Variants in ADAM23 observed in about 807,000 individuals in gnomAD.
ADAM23 encodes ADAM metallopeptidase domain 23.
Under a neutral mutation model 120.1 loss-of-function variants are expected in ADAM23, and 33 were observed. The ratio of observed to expected loss-of-function variants is 0.27; its 90% CI spans 0.21 to 0.37. ADAM23 has a LOEUF of 0.37. ADAM23 is among the 10% of genes least tolerant of loss of function. The pLI is 1.00. For missense variants in ADAM23, 862 were observed against 1,058.2 expected (o/e 0.81, Z 2.57); for synonymous variants, 367 against 375.2 (o/e 0.98, Z 0.25).
chr2:206,587,382 T>C lies in ADAM23; in HGVS notation c.1788+7T>C. 2 of 1,595,666 alleles carry C rather than the reference T, an allele frequency of 1.3e-6. No individual in the cohort carries two copies. Among genetic ancestry groups the C allele is most frequent in the Non-Finnish European group, 1.7e-6 (2 of 1,171,340 alleles). ...TGCATGCAATCAAAATCAGGTATGC[T>C]GGGCTATAAATTTTAAGTGTAATTT... On this transcript the variant is annotated splice_region_variant and intron_variant, in intron 19 of 25. Coordinates refer to ENST00000264377, the MANE Select transcript of ADAM23 (RefSeq NM_003812.4).
chr2:206,573,337 G>T, intron 18 of ADAM23, 142 bp downstream of exon 18: 1 of 774,306 alleles, frequency 1.3e-6, no homozygotes. Context: ...GAGATATCTT[G>T]GGGATGGGAC....
At chr2:206,487,183 C>T (rs1176034152) in intron 3 of ADAM23, among the ~76,000 whole-genome samples, 1 of 152,186 alleles carries the variant, frequency 6.6e-6, no homozygotes, top group African/African-American at 2.4e-5. Context: ...CTCCGTGAGG[C>T]AGTCACTGCG....
In ADAM23 at chr2:206,618,265, A is replaced by G. The variant is rs1251064839; in HGVS notation, c.*638A>G. The G allele has an allele frequency of 7.5e-6, 1 of 133,748 alleles. No homozygotes were observed. Among genetic ancestry groups the G allele is most frequent in the African/African-American group, 2.9e-5 (1 of 34,852 alleles). The allele number at this position is 133,748 out of a possible 1,614,324, so 8.3% of individuals were successfully genotyped here. A position where few individuals can be genotyped will look rare whatever the true frequency, so the allele number is the denominator to read the frequency against. ...CCCCACTTCTTACCCCCCACCTCCCACCCTCTATAATCCCCACTCCCCATT... is the reference window on the plus strand; with the variant it reads ...CCCCACTTCTTACCCCCCACCTCCCGCCCTCTATAATCCCCACTCCCCATT... On this transcript the variant is annotated 3_prime_UTR_variant, in exon 26 of 26. Transcript: ENST00000264377.
At chr2:206,505,206 T>C (rs1696471812) in intron 3 of ADAM23, among the ~76,000 whole-genome samples, 1 of 152,210 alleles carries the variant, frequency 6.6e-6, no homozygotes, top group Non-Finnish European at 1.5e-5. Context: ...AGCAAAAGGA[T>C]AAAAATTTTA....
chr2:206,587,615 G>A (rs2105845336), intron 19 of ADAM23, among the ~76,000 whole-genome samples: 3 of 152,200 alleles, frequency 2.0e-5, no homozygotes, highest in African/African-American at 7.2e-5. Flanking sequence ...GAAGAACTGG[G>A]AGTCTCATTT....
At chr2:206,490,824 C>G (rs1000062555) in intron 3 of ADAM23, among the ~76,000 whole-genome samples, 5 of 152,074 alleles carry the variant, frequency 3.3e-5, no homozygotes, top group African/African-American at 9.7e-5. Context: ...TCTGAGTCAA[C>G]CCATATTGAA....
intron 4 of ADAM23, among the ~76,000 whole-genome samples, chr2:206,538,026 A>G (rs1297189186): frequency 1.3e-5 from 2 of 152,218 alleles, no homozygotes; most frequent in Non-Finnish European, 2.9e-5. Context: ...GGGTTAAAAA[A>G]TGCCCCAAGA....
At chr2:206,535,908 CTCT>C (rs1443998849) in intron 4 of ADAM23, among the ~76,000 whole-genome samples, 11 of 152,134 alleles carry the variant, frequency 7.2e-5, no homozygotes, top group Admixed American at 7.2e-4. Context: ...AGTTATACAA[CTCT>C]GTGAATATGC....
intron 2 of ADAM23, among the ~76,000 whole-genome samples, chr2:206,446,945 A>G (rs1206361028): frequency 7.2e-5 from 11 of 152,212 alleles, no homozygotes; most frequent in African/African-American, 2.4e-5. Context: ...TTCCTTATGA[A>G]TGAGACCTTT....
intron 18 of ADAM23, among the ~76,000 whole-genome samples, chr2:206,586,078 G>A (rs1574550112): frequency 6.6e-6 from 1 of 152,194 alleles, no homozygotes; most frequent in Non-Finnish European, 1.5e-5. Context: ...AAGGCTGTGG[G>A]TGGCAGCATG....
chr2:206,555,346 C>A (rs892859515), intron 9 of ADAM23, among the ~76,000 whole-genome samples: 15 of 152,162 alleles, frequency 9.9e-5, no homozygotes, highest in African/African-American at 3.1e-4. Context: ...TCTTTTAATT[C>A]TTCTCTTTCC....
intron 2 of ADAM23, among the ~76,000 whole-genome samples, chr2:206,478,885 G>C (rs1695837727): frequency 2.0e-5 from 3 of 152,084 alleles, no homozygotes; most frequent in Admixed American, 2.0e-4. Context: ...TGTTCAAATA[G>C]CACCTTGTCA....
intron 18 of ADAM23, among the ~76,000 whole-genome samples, chr2:206,580,085 G>A (rs570691967): frequency 6.6e-6 from 1 of 152,210 alleles, no homozygotes; most frequent in African/African-American, 2.4e-5. Flanking sequence ...AAACTTTGCT[G>A]AATTCTTTTA....
Position 206,535,019 on chromosome 2 carries a change from T to C in ADAM23, c.573+4071T>C, listed in dbSNP as rs149190788. Among the ~76,000 whole-genome samples the C allele has an allele frequency of 4.7e-4, 71 of 152,060 alleles. 1 individual carries two copies. In the East Asian group the frequency reaches 0.013, roughly 27 times the overall value. On this transcript the variant is annotated intron_variant, in intron 4 of 25. Coordinates refer to ENST00000264377, the MANE Select transcript of ADAM23 (RefSeq NM_003812.4). ...AAGAAGAGTACATTCTCTCCACCTT[T>C]CTCTTCTCTGAATTGTACTGTGGCC...
intron 18 of ADAM23, among the ~76,000 whole-genome samples, chr2:206,584,685 G>A (rs1698286291): frequency 1.3e-5 from 2 of 152,132 alleles, no homozygotes; most frequent in South Asian, 4.1e-4. Context: ...AAGAAAAAAG[G>A]GCTTTAGTTC....
chr2:206,492,971 A>C (rs1696163604), intron 3 of ADAM23, among the ~76,000 whole-genome samples: 1 of 152,212 alleles, frequency 6.6e-6, no homozygotes. Context: ...TTTGAATACT[A>C]CTATTCATTG....
intron 22 of ADAM23, 127 bp from the exon 23 acceptor site, chr2:206,594,610 A>G: frequency 9.9e-7 from 1 of 1,012,600 alleles, no homozygotes; most frequent in Admixed American, 2.6e-5. Context: ...GAAGAGGAGT[A>G]AGAAAATGCT....
intron 12 of ADAM23, among the ~76,000 whole-genome samples, chr2:206,561,533 C>A (rs551072224): frequency 6.6e-6 from 1 of 151,714 alleles, no homozygotes; most frequent in East Asian, 1.9e-4. Flanking sequence ...TTATAATGCT[C>A]CTCTGTCTAT....
chr2:206,573,219 A>G, intron 18 of ADAM23, 24 bp downstream of exon 18: 1 of 1,605,178 alleles, frequency 6.2e-7, no homozygotes, highest in Non-Finnish European at 8.5e-7. Context: ...AGTTTTTGGT[A>G]ATACATTTTA....
Sources: gnomAD v4.1 joint callset for allele counts (sites outside exome capture counted in the v4.1 genomes callset) on GRCh38, gnomAD v4.1.1 for gene constraint, MANE v1.5 for transcripts, NCBI Gene and HGNC (gene_info 2026-07-23, HGNC 2026-07-21) for gene names.